The following CHFR variants were observed in gnomAD, a reference collection of about 807,000 sequenced individuals.
CHFR encodes checkpoint with forkhead and ring finger domains.
A neutral mutation model predicts 87.6 loss-of-function variants in CHFR; 57 were observed. That is an observed-to-expected ratio of 0.65 (90% confidence interval 0.53 to 0.81). CHFR has a LOEUF of 0.81. Ranked by LOEUF, CHFR falls within the 30% of genes least tolerant of loss-of-function variation. CHFR has a pLI of 0.00. For synonymous variants in CHFR, 381 were observed against 359.2 expected, an observed-to-expected ratio of 1.06 and a Z score of -0.69; for missense variants, 797 against 865.8, an observed-to-expected ratio of 0.92 and a Z score of 1.00.
intron 6 of CHFR, 103 bp downstream of exon 6, chr12:132,869,516 T>G (rs148058789): frequency 9.6e-6 from 10 of 1,039,256 alleles, no homozygotes; most frequent in African/African-American, 6.3e-5. Flanking sequence ...GAGAACCTCA[T>G]GCCAGTCCTC....
chr12:132,855,213 G>T (rs1254379262), intron 10 of CHFR, among the ~76,000 whole-genome samples: 4 of 147,740 alleles, frequency 2.7e-5, no homozygotes, highest in African/African-American at 1.0e-4. Context: ...CTGCACTCCA[G>T]CCTGGGCAAC....
Position 132,887,266 on chromosome 12 carries a change from A to G in CHFR, c.63T>C (p.Arg21=). 6.7e-7 allele frequency: 1 copy of G among 1,499,522 alleles called. No individual in the cohort carries two copies. The highest frequency in any genetic ancestry group is 8.8e-7 in the Non-Finnish European group (1 of 1,131,440). 92.9% of individuals were successfully genotyped at this position (1,499,522 alleles called of 1,614,324 possible). A position where few individuals can be genotyped will look rare whatever the true frequency, so the allele number is the denominator to read the frequency against. ...PPPQPWGRLL[R]LGAEEGEPHV... ...GCGGCTCGCCCTCCTCCGCGCCCAG[A>G]CGCAGGAGCCGTCCCCAGGGCTGCG... Residue 21 remains arginine (R), a synonymous_variant, in exon 2 of 18, where the codon CGT becomes CGC. Coordinates refer to ENST00000450056, the MANE Select transcript of CHFR (RefSeq NM_001161346.2).
intron 2 of CHFR, among the ~76,000 whole-genome samples, chr12:132,881,092 C>A (rs964650605): frequency 6.6e-6 from 1 of 151,996 alleles, no homozygotes; most frequent in Non-Finnish European, 1.5e-5. Context: ...CAGGATGAGA[C>A]CCCATCTCGA....
chr12:132,871,252 G>C (rs935347245), intron 4 of CHFR, among the ~76,000 whole-genome samples: 10 of 152,062 alleles, frequency 6.6e-5, no homozygotes, highest in African/African-American at 2.2e-4. Context: ...CCAAGTTCGA[G>C]ACCAGCCTGG....
At chr12:132,877,881 C>T (rs956674416) in intron 2 of CHFR, among the ~76,000 whole-genome samples, 1 of 152,080 alleles carries the variant, frequency 6.6e-6, no homozygotes, top group Non-Finnish European at 1.5e-5. Flanking sequence ...CGGCTCACTG[C>T]AAGCTCCGCC....
chr12:132,860,686 C>G (rs1951191968), intron 7 of CHFR, among the ~76,000 whole-genome samples: 1 of 152,250 alleles, frequency 6.6e-6, no homozygotes, highest in Non-Finnish European at 1.5e-5. Flanking sequence ...CCTAAATCAT[C>G]TTCAATGTGA....
intron 8 of CHFR, among the ~76,000 whole-genome samples, chr12:132,858,479 C>T (rs1951135105): frequency 6.6e-6 from 1 of 152,022 alleles, no homozygotes; most frequent in Non-Finnish European, 1.5e-5. Flanking sequence ...AATCCCAGCA[C>T]TTTAGGAGGC....
chr12:132,848,348 T>G (rs960664501), intron 13 of CHFR, 193 bp from the exon 14 acceptor site: 1 of 1,086,960 alleles, frequency 9.2e-7, no homozygotes, highest in African/African-American at 1.6e-5. Context: ...CTTAAAAAGA[T>G]CAGCTCTCCG....
At chr12:132,861,125 T>C (rs981708735) in intron 7 of CHFR, among the ~76,000 whole-genome samples, 1 of 152,096 alleles carries the variant, frequency 6.6e-6, no homozygotes, top group Non-Finnish European at 1.5e-5. Flanking sequence ...CTCAAGTGAT[T>C]CTCCTGCCTT....
chr12:132,884,422 A>T (rs1951840047), intron 2 of CHFR, among the ~76,000 whole-genome samples: 1 of 151,196 alleles, frequency 6.6e-6, no homozygotes, highest in Non-Finnish European at 1.5e-5. Context: ...TCTCAAAAAA[A>T]AAAATACATA....
intron 3 of CHFR, among the ~76,000 whole-genome samples, chr12:132,877,296 G>A (rs1207276789): frequency 1.3e-5 from 2 of 152,150 alleles, no homozygotes; most frequent in Non-Finnish European, 2.9e-5. Flanking sequence ...GCCTAGGTAT[G>A]TAGTAGGCTA....
rs916462974 is a variant in CHFR, at chr12:132,835,791, T to C, written c.*5763A>G. 9 of 323,984 alleles carry C rather than the reference T, an allele frequency of 2.8e-5. No homozygotes were observed. Among genetic ancestry groups the C allele is most frequent in the East Asian group, 1.1e-4 (1 of 9,214 alleles). 20.1% of individuals were successfully genotyped at this position (323,984 alleles called of 1,614,324 possible). On this transcript the variant is annotated 3_prime_UTR_variant, in exon 18 of 18. Transcript: ENST00000450056. ...CACTGGGCAGGGCGGGTCTCACAAATGCATGCTCCCAGCACAGCGCACGGC... is the reference window on the plus strand; with the variant it reads ...CACTGGGCAGGGCGGGTCTCACAAACGCATGCTCCCAGCACAGCGCACGGC...
intron 3 of CHFR, among the ~76,000 whole-genome samples, chr12:132,873,614 T>C (rs978093805): frequency 7.1e-6 from 1 of 140,600 alleles, no homozygotes; most frequent in African/African-American, 2.7e-5. Flanking sequence ...TGACTTTCTG[T>C]GTCCTCCTGC....
Position 132,844,024 on chromosome 12 carries a change from T to C in CHFR, c.1843+3A>G. On this transcript the variant is annotated splice_donor_region_variant and intron_variant, in intron 16 of 17. Transcript: ENST00000450056. ...AGCCATGAGGAAGTCGGGGGCTCCT[T>C]ACCTGGCAACTCGGAAGCAGGAATG... 1 of 1,605,180 alleles carries C rather than the reference T, an allele frequency of 6.2e-7. No individual in the cohort carries two copies. Among genetic ancestry groups the C allele is most frequent in the Non-Finnish European group, 8.5e-7 (1 of 1,172,238 alleles).
chr12:132,885,614 G>C (rs781356013), intron 2 of CHFR, among the ~76,000 whole-genome samples: 1 of 151,928 alleles, frequency 6.6e-6, no homozygotes, highest in Non-Finnish European at 1.5e-5. Flanking sequence ...TTCTCTCCTT[G>C]TCTTAACATG....
chr12:132,870,712 A>G lies in CHFR; in HGVS notation c.403+12T>C. Reference sequence around the variant, plus strand: ...TAACATGCACCCACTTCTTTGCTACACTCTTACTTACCAAAGGATTCTTGT... The same window carrying G: ...TAACATGCACCCACTTCTTTGCTACGCTCTTACTTACCAAAGGATTCTTGT... On this transcript the variant is annotated intron_variant, in intron 5 of 17. Coordinates refer to ENST00000450056, the MANE Select transcript of CHFR (RefSeq NM_001161346.2). The G allele has an allele frequency of 6.3e-7, 1 of 1,583,240 alleles. No individual in the cohort carries two copies. The highest frequency in any genetic ancestry group is 8.7e-7 in the Non-Finnish European group (1 of 1,152,444).
rs1163075856 is a variant in CHFR at position 132,837,067 on chromosome 12, A to C, written c.*4487T>G. 3.0e-6 allele frequency: 1 copy of C among 332,220 alleles called. No individual in the cohort carries two copies. Among genetic ancestry groups the C allele is most frequent in the African/African-American group, 2.2e-5 (1 of 45,722 alleles). 20.6% of individuals were successfully genotyped at this position (332,220 alleles called of 1,614,324 possible). A position where few individuals can be genotyped will look rare whatever the true frequency, so the allele number is the denominator to read the frequency against. ...AGAGGCTGCAGAGGGAGGGGCTGGT[A>C]CCTGAGGGGCTGTTTGTGAGAATTA... On this transcript the variant is annotated 3_prime_UTR_variant, in exon 18 of 18. Coordinates refer to ENST00000450056, the MANE Select transcript of CHFR (RefSeq NM_001161346.2).
chr12:132,847,400 T>A (rs1241733440), intron 14 of CHFR: 1 of 1,194,394 alleles, frequency 8.4e-7, no homozygotes, highest in African/African-American at 1.6e-5. Flanking sequence ...AGCCCAGGTG[T>A]GAATGAGACA....
rs1390303444 is a variant in CHFR, at chr12:132,875,247, CAG to C, written c.233+2306_233+2307del. Among the ~76,000 whole-genome samples, 4 of 152,364 alleles carry C rather than the reference CAG, an allele frequency of 2.6e-5. No individual in the cohort carries two copies. The East Asian group carries it at 7.7e-4, about 29-fold the overall frequency. On this transcript the variant is annotated intron_variant, in intron 3 of 17. Coordinates refer to ENST00000450056, the MANE Select transcript of CHFR (RefSeq NM_001161346.2). Reference sequence around the variant, plus strand: ...AACTATCAGTTACCAAAGAATCTCACAGAGCCTGATCTTTACCAAACAAAAAA... The same window carrying C: ...AACTATCAGTTACCAAAGAATCTCACAGCCTGATCTTTACCAAACAAAAAA...
Sources: allele counts gnomAD v4.1 joint callset (sites outside exome capture counted in the v4.1 genomes callset), GRCh38; gene constraint gnomAD v4.1.1; transcripts MANE v1.5; gene names NCBI Gene and HGNC (gene_info 2026-07-23, HGNC 2026-07-21).